POU2F1: variants seen among roughly 807,000 people sequenced by gnomAD.
POU2F1 encodes the protein POU domain, class 2, transcription factor 1.
A neutral mutation model predicts 84.9 loss-of-function variants in POU2F1; 16 were observed. The ratio of observed to expected loss-of-function variants is 0.19; its 90% CI spans 0.13 to 0.29. POU2F1 has a LOEUF of 0.29. Ranked by LOEUF, POU2F1 falls within the 10% of genes least tolerant of loss-of-function variation. POU2F1 has a pLI of 1.00. For missense variants in POU2F1, 738 were observed against 942.6 expected, an observed-to-expected ratio of 0.78 and a Z score of 2.84; for synonymous variants, 368 against 368.3, an observed-to-expected ratio of 1.00 and a Z score of 0.01.
chr1:167,269,294 G>A (rs919569955), intron 1 of POU2F1, among the ~76,000 whole-genome samples: 5 of 152,212 alleles, frequency 3.3e-5, no homozygotes, highest in Admixed American at 2.0e-4. Flanking sequence ...GCTGACAAAT[G>A]TCAGTTACGT....
intron 1 of POU2F1, among the ~76,000 whole-genome samples, chr1:167,321,299 C>T (rs567929496): frequency 6.6e-6 from 1 of 152,276 alleles, no homozygotes; most frequent in African/African-American, 2.4e-5. Flanking sequence ...AAACACTTAG[C>T]AGGCTACAGG....
At chr1:167,277,203 CCTG>C (rs1172337947) in intron 1 of POU2F1, among the ~76,000 whole-genome samples, 1 of 151,904 alleles carries the variant, frequency 6.6e-6, no homozygotes, top group Non-Finnish European at 1.5e-5. Context: ...TCTGGTAACT[CCTG>C]CTTTGTCTAC....
Position 167,416,055 on chromosome 1 carries a change from T to G in POU2F1, c.*245T>G. The stretch of plus-strand genomic sequence containing the variant: ...TAAAACACTGTCTTTTCAGGATTGC[T>G]TCATGGATTGGAGAACTTTCTAACC... On this transcript the variant is annotated 3_prime_UTR_variant, in exon 16 of 16. Coordinates refer to ENST00000367866, the MANE Select transcript of POU2F1 (RefSeq NM_002697.4). The G allele has an allele frequency of 1.6e-6, 1 of 627,328 alleles. No individual in the cohort carries two copies. 38.9% of individuals were successfully genotyped at this position (627,328 alleles called of 1,614,324 possible). A position where few individuals can be genotyped will look rare whatever the true frequency, so the allele number is the denominator to read the frequency against.
chr1:167,329,259 C>T (rs574200460), intron 1 of POU2F1: 1 of 1,547,720 alleles, frequency 6.5e-7, no homozygotes, highest in Admixed American at 2.0e-5. Context: ...CTCTCTGCTC[C>T]TCTAGAAGAT....
At chr1:167,262,404 G>T (rs557206125) in intron 1 of POU2F1, among the ~76,000 whole-genome samples, 119 of 152,304 alleles carry the variant, frequency 7.8e-4, no homozygotes, top group African/African-American at 2.7e-3. Flanking sequence ...ATTTAAAATT[G>T]TTGAGTGTTT....
intron 1 of POU2F1, among the ~76,000 whole-genome samples, chr1:167,246,296 C>G (rs1650314971): frequency 6.6e-6 from 1 of 152,172 alleles, no homozygotes; most frequent in Non-Finnish European, 1.5e-5. Flanking sequence ...CCCTTTCCTC[C>G]TAAAGCAAAG....
chr1:167,308,813 C>G (rs971818774), intron 1 of POU2F1, among the ~76,000 whole-genome samples: 2 of 152,188 alleles, frequency 1.3e-5, no homozygotes, highest in Admixed American at 1.3e-4. Context: ...GCCACCGTGC[C>G]TGGCCTTTTG....
At chr1:167,345,003 G>A (rs1658097001) in intron 2 of POU2F1, among the ~76,000 whole-genome samples, 1 of 152,148 alleles carries the variant, frequency 6.6e-6, no homozygotes, top group African/African-American at 2.4e-5. Flanking sequence ...ATAAGTGGGA[G>A]TTGAACAGTG....
intron 9 of POU2F1, among the ~76,000 whole-genome samples, chr1:167,393,717 A>G (rs1648592666): frequency 6.6e-6 from 1 of 151,996 alleles, no homozygotes; most frequent in African/African-American, 2.4e-5. Context: ...CTGTTGACTT[A>G]TTTTTTGCTT....
intron 1 of POU2F1, among the ~76,000 whole-genome samples, chr1:167,292,483 A>T (rs1028140462): frequency 2.2e-5 from 3 of 139,374 alleles, no homozygotes; most frequent in Non-Finnish European, 3.2e-5. Flanking sequence ...GAATCAGTTT[A>T]AAAAAAAAAA....
chr1:167,305,305 G>A lies in POU2F1; in HGVS notation c.62-27165G>A, dbSNP rs756041398. 3.3e-5 allele frequency among the ~76,000 whole-genome samples: 5 copies of A among 151,620 alleles called. 1 individual carries two copies. Among genetic ancestry groups the A allele is most frequent in the South Asian group, 4.2e-4 (2 of 4,800 alleles). ...CAGACTCACGTGATCATCCCACCTCGGCCTCCTTAGTAGCTGGTATTACAG... is the reference window on the plus strand; with the variant it reads ...CAGACTCACGTGATCATCCCACCTCAGCCTCCTTAGTAGCTGGTATTACAG... On this transcript the variant is annotated intron_variant, in intron 1 of 15. Transcript: ENST00000367866.
rs373760049 is a variant in POU2F1, at chr1:167,406,626, CA to C, written c.1555+5077del. Among the ~76,000 whole-genome samples, 1,107 of 151,610 alleles carry C rather than the reference CA, an allele frequency of 7.3e-3. 5 individuals carry two copies. Among genetic ancestry groups the C allele is most frequent in the Middle Eastern group, 0.017 (5 of 292 alleles). ...TGTATAAAAATACTAAGGAATTCACCAAAAAAAGGTATCTAGGACTAATCAA... is the reference window on the plus strand; with the variant it reads ...TGTATAAAAATACTAAGGAATTCACCAAAAAAGGTATCTAGGACTAATCAA... On this transcript the variant is annotated intron_variant, in intron 13 of 15. Transcript: ENST00000367866.
intron 3 of POU2F1, among the ~76,000 whole-genome samples, chr1:167,367,864 C>T (rs1659780778): frequency 6.6e-6 from 1 of 151,656 alleles, no homozygotes; most frequent in South Asian, 2.1e-4. Flanking sequence ...CTCAAGGGAT[C>T]TTCTTGCCTT....
In POU2F1 at chr1:167,374,282, A is replaced by G. The variant is rs1215622319; in HGVS notation, c.577A>G (p.Ile193Val). Residue 193 changes from isoleucine to valine, a missense_variant, in exon 6 of 16, where the codon ATA becomes GTA. By Grantham distance (29) the Ile-to-Val change is conservative. Transcript: ENST00000367866. ...GACGCAGATCCCCCTGTCTCAGCCCATACAGATCGCACAGGTGAGTGAGGA... is the reference window on the plus strand; with the variant it reads ...GACGCAGATCCCCCTGTCTCAGCCCGTACAGATCGCACAGGTGAGTGAGGA... ...PMTQIPLSQPIQIAQDLQQLQ... is the reference protein window; with the variant it reads ...PMTQIPLSQPVQIAQDLQQLQ... 2 of 1,602,364 alleles carry G rather than the reference A, an allele frequency of 1.2e-6. No individual in the cohort carries two copies. Among genetic ancestry groups the G allele is most frequent in the African/African-American group, 2.7e-5 (2 of 74,524 alleles).
chr1:167,299,346 G>A (rs1222457378), intron 1 of POU2F1, among the ~76,000 whole-genome samples: 1 of 152,096 alleles, frequency 6.6e-6, no homozygotes, highest in Non-Finnish European at 1.5e-5. Flanking sequence ...CTTACAAGTA[G>A]TGTTGTTAAA....
At chr1:167,296,073 G>T (rs547506158) in intron 1 of POU2F1, among the ~76,000 whole-genome samples, 12 of 151,652 alleles carry the variant, frequency 7.9e-5, no homozygotes, top group African/African-American at 2.2e-4. Context: ...GTTGGACAAA[G>T]AATTTTTACT....
Position 167,396,426 on chromosome 1 carries a change from A to G in POU2F1, c.1128A>G (p.Ala376=). ...TTTTAGAGAAGTGGCTAAATGATGC[A>G]GGTAAGTGACTGTATAAGACATTTC... ...KPLLEKWLND[A]ENLSSDSSLS... The change falls in exon 10 of 16, where the codon GCA becomes GCG. Residue 376 remains alanine (A), a splice_region_variant and synonymous_variant. Coordinates refer to ENST00000367866, the MANE Select transcript of POU2F1 (RefSeq NM_002697.4). 1.2e-6 allele frequency: 2 copies of G among 1,613,482 alleles called. No individual in the cohort carries two copies. The highest frequency in any genetic ancestry group is 2.2e-5 in the South Asian group (2 of 91,068).
intron 1 of POU2F1, among the ~76,000 whole-genome samples, chr1:167,267,411 C>T (rs1440207536): frequency 2.6e-5 from 4 of 151,922 alleles, no homozygotes; most frequent in Non-Finnish European, 4.4e-5. Context: ...AAACTAAAAC[C>T]GTGAGACAGT....
intron 1 of POU2F1, among the ~76,000 whole-genome samples, chr1:167,312,890 G>C (rs1249078360): frequency 6.6e-6 from 1 of 152,208 alleles, no homozygotes; most frequent in Non-Finnish European, 1.5e-5. Context: ...TGTTAGAAAT[G>C]CAAATACCAT....
Sources: gnomAD v4.1 joint callset for allele counts (sites outside exome capture counted in the v4.1 genomes callset) on GRCh38, gnomAD v4.1.1 for gene constraint, MANE v1.5 for transcripts, NCBI Gene and HGNC (gene_info 2026-07-23, HGNC 2026-07-21) for gene names.